C12orf42: variants seen among roughly 807,000 people sequenced by gnomAD.
The protein encoded by C12orf42 is uncharacterized protein C12orf42.
In C12orf42, 25 loss-of-function variants were observed where a neutral mutation model predicts 21.6. The observed-to-expected ratio is 1.16, with a 90% confidence interval of 0.84 to 1.62. The LOEUF is 1.62. C12orf42 is among the 40% of genes most tolerant of loss of function. The pLI is 0.00. For missense variants in C12orf42, 483 were observed against 459.3 expected, an observed-to-expected ratio of 1.05 and a Z score of -0.47; for synonymous variants, 174 against 175.0, an observed-to-expected ratio of 0.99 and a Z score of 0.05.
intron 4 of C12orf42, among the ~76,000 whole-genome samples, chr12:103,294,456 A>AAGAT (rs2037051190): frequency 7.6e-6 from 1 of 131,554 alleles, no homozygotes; most frequent in Admixed American, 7.2e-5. Context: ...GAAAGAAAGA[A>AAGAT]AGAAAGAAAG....
At chr12:103,361,314 G>C (rs2044083121) in intron 4 of C12orf42, among the ~76,000 whole-genome samples, 1 of 152,074 alleles carries the variant, frequency 6.6e-6, no homozygotes, top group Admixed American at 6.5e-5. Context: ...ACCTGGAGCT[G>C]AGTCAATTTA....
At chr12:103,460,560 T>G (rs140520195) in intron 2 of C12orf42, among the ~76,000 whole-genome samples, 12 of 152,248 alleles carry the variant, frequency 7.9e-5, no homozygotes, top group African/African-American at 2.9e-4. Context: ...TGCTTTTCTG[T>G]GCAATGGGAC....
chr12:103,464,153 G>A (rs1290208370), intron 2 of C12orf42, among the ~76,000 whole-genome samples: 1 of 152,168 alleles, frequency 6.6e-6, no homozygotes, highest in Non-Finnish European at 1.5e-5. Context: ...TCACCACACT[G>A]TCTTCCACAA....
chr12:103,314,741 G>A (rs372452557), intron 4 of C12orf42, among the ~76,000 whole-genome samples: 23 of 152,140 alleles, frequency 1.5e-4, no homozygotes, highest in East Asian at 5.8e-4. Context: ...GCCGAGGGAA[G>A]GGAATCTTTC....
chr12:103,247,814 G>A (rs1023882102), intron 10 of C12orf42, among the ~76,000 whole-genome samples: 3 of 151,928 alleles, frequency 2.0e-5, no homozygotes, highest in African/African-American at 7.2e-5. Flanking sequence ...AGCCATAATT[G>A]AACTGTTTAA....
the C12orf42 span, among the ~76,000 whole-genome samples, chr12:103,049,295 A>G: frequency 4.6e-5 from 7 of 152,294 alleles, no homozygotes; most frequent in African/African-American, 1.7e-4. Flanking sequence ...TGATCAGGTC[A>G]CAAATCTTGG....
intron 5 of C12orf42, chr12:103,273,951 G>A (rs189618363): frequency 2.2e-6 from 1 of 455,894 alleles, no homozygotes; most frequent in East Asian, 7.0e-5. Flanking sequence ...TAAGTACTCA[G>A]TGTGCTGTCC....
chr12:103,554,175 T>C, the C12orf42 span, among the ~76,000 whole-genome samples: 1 of 152,044 alleles, frequency 6.6e-6, no homozygotes, highest in Non-Finnish European at 1.5e-5. Flanking sequence ...CATAAGCAAA[T>C]GGGCATGGTG....
chr12:103,113,720 T>C, the C12orf42 span, among the ~76,000 whole-genome samples: 3 of 152,186 alleles, frequency 2.0e-5, 1 homozygote, highest in East Asian at 5.8e-4. Flanking sequence ...TGGTTTAAGG[T>C]AAGTAAAGTT....
intron 4 of C12orf42, among the ~76,000 whole-genome samples, chr12:103,361,571 G>A (rs1331461521): frequency 6.6e-6 from 1 of 151,990 alleles, no homozygotes; most frequent in Non-Finnish European, 1.5e-5. Flanking sequence ...AGGCAGGGAG[G>A]TGCAAAAGCC....
the C12orf42 span, among the ~76,000 whole-genome samples, chr12:103,181,722 T>TG: frequency 2.6e-5 from 4 of 152,256 alleles, no homozygotes; most frequent in Non-Finnish European, 5.9e-5. Context: ...CTGCCTGACC[T>TG]CTAGAGTTAC....
At chr12:103,474,441 C>CATGTATGT (rs145268587) in intron 2 of C12orf42, among the ~76,000 whole-genome samples, 79,831 of 144,046 alleles carry the variant, frequency 0.55, 22,316 homozygotes, top group Non-Finnish European at 0.63. Flanking sequence ...TGTATGTATA[C>CATGTATGT]ATGTATGTAT....
chr12:103,247,207 G>A (rs1403538204), intron 10 of C12orf42, among the ~76,000 whole-genome samples: 3 of 150,722 alleles, frequency 2.0e-5, no homozygotes, highest in African/African-American at 4.9e-5. Flanking sequence ...AATATTTTGA[G>A]TTAATATTTA....
the C12orf42 span, among the ~76,000 whole-genome samples, chr12:103,184,749 C>A: frequency 7.4e-6 from 1 of 135,854 alleles, no homozygotes. Flanking sequence ...AAGTTCTCAC[C>A]CCCAGTAACT....
chr12:103,379,889 G>T (rs968436775), intron 3 of C12orf42, among the ~76,000 whole-genome samples: 1 of 152,186 alleles, frequency 6.6e-6, no homozygotes, highest in Non-Finnish European at 1.5e-5. Context: ...GGGTAGCATT[G>T]TTCGAGCACC....
chr12:103,422,527 T>C (rs2050000199), intron 2 of C12orf42, among the ~76,000 whole-genome samples: 1 of 152,190 alleles, frequency 6.6e-6, no homozygotes, highest in African/African-American at 2.4e-5. Context: ...AGTCCCCTGC[T>C]GGGCTCTTAT....
chr12:103,220,314 G>A, the C12orf42 span, among the ~76,000 whole-genome samples: 1 of 152,066 alleles, frequency 6.6e-6, no homozygotes, highest in African/African-American at 2.4e-5. Context: ...GTTGATGGGT[G>A]CAGCAAACCA....
chr12:103,048,560 T>G, the C12orf42 span, among the ~76,000 whole-genome samples: 1 of 152,100 alleles, frequency 6.6e-6, no homozygotes, highest in Non-Finnish European at 1.5e-5. Flanking sequence ...GCAAATCACT[T>G]AAATCTCTGA....
chr12:103,261,476 CAAAAAAAAAA>C (rs200549825), intron 10 of C12orf42, among the ~76,000 whole-genome samples: 4 of 78,826 alleles, frequency 5.1e-5, no homozygotes, highest in South Asian at 8.1e-4. Context: ...GAGACTCTTT[CAAAAAAAAAA>C]AAAAAAAAAA....
Sources: allele counts gnomAD v4.1 joint callset (sites outside exome capture counted in the v4.1 genomes callset), GRCh38; gene constraint gnomAD v4.1.1; transcripts MANE v1.5; gene names NCBI Gene and HGNC (gene_info 2026-07-23, HGNC 2026-07-21).